Variants in RGS6 observed in about 807,000 individuals in gnomAD.
RGS6 encodes regulator of G protein signaling 6, also known as regulator of G-protein signaling 6.
A neutral mutation model predicts 78.5 loss-of-function variants in RGS6; 30 were observed. That is an observed-to-expected ratio of 0.38 (90% CI 0.29 to 0.52). The LOEUF (loss-of-function observed/expected upper bound fraction) is 0.52. Ranked by LOEUF, RGS6 falls within the 20% of genes least tolerant of loss-of-function variation. The probability of loss-of-function intolerance (pLI) is 0.85; values close to 1 mark genes in which losing one functional copy is unlikely to be tolerated. For synonymous variants in RGS6, 206 were observed against 206.0 expected (o/e 1.00, Z 0.00); for missense variants, 495 against 609.7 (o/e 0.81, Z 1.98).
At chr14:72,016,745 A>G (rs1441517199) in intron 2 of RGS6, among the ~76,000 whole-genome samples, 1 of 152,132 alleles carries the variant, frequency 6.6e-6, no homozygotes, top group Non-Finnish European at 1.5e-5. Flanking sequence ...GGGTAGTTTA[A>G]GTTTCACTTC....
intron 13 of RGS6, among the ~76,000 whole-genome samples, chr14:72,499,591 C>A (rs778351926): frequency 6.6e-5 from 10 of 152,184 alleles, no homozygotes; most frequent in Non-Finnish European, 1.3e-4. Flanking sequence ...TGAAATTTCT[C>A]AAAGCTCTCA....
chr14:72,419,489 A>G (rs2094040891), intron 3 of RGS6, among the ~76,000 whole-genome samples: 1 of 152,190 alleles, frequency 6.6e-6, no homozygotes, highest in Non-Finnish European at 1.5e-5. Context: ...GTGCGGGTAT[A>G]CCAGGAACCA....
chr14:72,350,542 T>C (rs2078919774), intron 2 of RGS6, among the ~76,000 whole-genome samples: 1 of 152,208 alleles, frequency 6.6e-6, no homozygotes, highest in Non-Finnish European at 1.5e-5. Context: ...ACATGCTCTA[T>C]GTAACTTCTG....
At chr14:72,474,483 A>G in intron 9 of RGS6, 142 bp from the exon 10 acceptor site, 1 of 715,718 alleles carries the variant, frequency 1.4e-6, no homozygotes, top group South Asian at 1.9e-5. Flanking sequence ...AGAGGAATGC[A>G]TATTATGGCA....
chr14:71,965,394 G>T (rs1015108611), intron 2 of RGS6, among the ~76,000 whole-genome samples: 4 of 152,230 alleles, frequency 2.6e-5, no homozygotes, highest in African/African-American at 7.2e-5. Flanking sequence ...AGCCTCAGAG[G>T]TGAGAATGGG....
intron 2 of RGS6, among the ~76,000 whole-genome samples, chr14:72,217,947 T>C (rs1223230723): frequency 6.6e-6 from 1 of 152,198 alleles, no homozygotes; most frequent in Non-Finnish European, 1.5e-5. Context: ...GTGTGTCAGG[T>C]TGCTTGAAAA....
intron 3 of RGS6, among the ~76,000 whole-genome samples, chr14:72,385,486 G>C (rs1019528195): frequency 6.6e-6 from 1 of 152,220 alleles, no homozygotes; most frequent in East Asian, 1.9e-4. Context: ...AGGCAATTGG[G>C]GTATATTCCT....
chr14:72,032,585 TTAACCATTGAACAG>T (rs761730823), intron 2 of RGS6, among the ~76,000 whole-genome samples: 9 of 152,260 alleles, frequency 5.9e-5, no homozygotes, highest in Middle Eastern at 3.4e-3. Flanking sequence ...CTGAAACTCT[TTAACCATTGAACAG>T]TAACTTGTCT....
At chr14:72,582,358 A>G in the RGS6 span, among the ~76,000 whole-genome samples, 1 of 152,194 alleles carries the variant, frequency 6.6e-6, no homozygotes, top group African/African-American at 2.4e-5. Context: ...GTTGTAGTCA[A>G]CTTTATATCC....
chr14:72,595,422 GCACT>G, the RGS6 span, among the ~76,000 whole-genome samples: 3 of 152,024 alleles, frequency 2.0e-5, no homozygotes, highest in African/African-American at 7.2e-5. Flanking sequence ...CTCTCCAAAG[GCACT>G]GACTAAATCA....
At chr14:72,025,060 A>G (rs2089555404) in intron 2 of RGS6, among the ~76,000 whole-genome samples, 1 of 152,186 alleles carries the variant, frequency 6.6e-6, no homozygotes, top group Admixed American at 6.5e-5. Context: ...GAGTGAGACT[A>G]TACGTGTCCC....
chr14:71,977,321 A>T (rs1488375339), intron 2 of RGS6, among the ~76,000 whole-genome samples: 1 of 56,228 alleles, frequency 1.8e-5, no homozygotes, highest in African/African-American at 8.5e-5. Context: ...GGTGTTTTAG[A>T]CATGAAGTCC....
At chr14:72,329,213 A>G (rs990849676) in intron 2 of RGS6, among the ~76,000 whole-genome samples, 1 of 152,278 alleles carries the variant, frequency 6.6e-6, no homozygotes, top group Non-Finnish European at 1.5e-5. Context: ...AGTTTTCATG[A>G]AAATTCTCTT....
At chr14:72,235,138 C>T (rs570134255) in intron 2 of RGS6, among the ~76,000 whole-genome samples, 5 of 152,246 alleles carry the variant, frequency 3.3e-5, no homozygotes, top group African/African-American at 7.2e-5. Context: ...ATATTCTTGG[C>T]ATCTGGAACG....
intron 2 of RGS6, among the ~76,000 whole-genome samples, chr14:72,158,823 A>G (rs1205571680): frequency 2.0e-5 from 3 of 151,034 alleles, no homozygotes; most frequent in Admixed American, 6.6e-5. Context: ...CCTATTTAGA[A>G]TATCCGGTAT....
chr14:72,385,675 C>T (rs1186952721), intron 3 of RGS6, among the ~76,000 whole-genome samples: 1 of 152,142 alleles, frequency 6.6e-6, no homozygotes, highest in Non-Finnish European at 1.5e-5. Flanking sequence ...GCAACAGAGC[C>T]AGGACATTAG....
At chr14:71,882,725 T>A in the RGS6 span, among the ~76,000 whole-genome samples, 1 of 152,348 alleles carries the variant, frequency 6.6e-6, no homozygotes, top group African/African-American at 2.4e-5. Context: ...TTATAATTAA[T>A]TCCTTTCAGG....
rs1195120489 is a variant in RGS6 at position 72,140,167 on chromosome 14, C to T, written c.84+175292C>T. Among the ~76,000 whole-genome samples, 4 of 152,036 alleles carry T rather than the reference C, an allele frequency of 2.6e-5. No homozygotes were observed. In the East Asian group the frequency reaches 5.8e-4, roughly 22 times the overall value. Reference sequence around the variant, plus strand: ...TGTGCATGGTTTTTGTAGAAGGTGGCGAGAAGCTTCATGGGCACCAGCATC... The same window carrying T: ...TGTGCATGGTTTTTGTAGAAGGTGGTGAGAAGCTTCATGGGCACCAGCATC... On this transcript the variant is annotated intron_variant, in intron 2 of 17. Coordinates refer to ENST00000553525, the MANE Select transcript of RGS6 (RefSeq NM_001204424.2).
intron 3 of RGS6, among the ~76,000 whole-genome samples, chr14:72,402,791 T>G (rs1185748553): frequency 2.0e-5 from 1 of 49,830 alleles, no homozygotes; most frequent in Non-Finnish European, 3.8e-5. Context: ...GTTTTTTTGG[T>G]TTTTTTTTTT....
Sources: allele counts gnomAD v4.1 joint callset (sites outside exome capture counted in the v4.1 genomes callset), GRCh38; gene constraint gnomAD v4.1.1; transcripts MANE v1.5; gene names NCBI Gene and HGNC (gene_info 2026-07-23, HGNC 2026-07-21).